Variants in RBFOX1 observed in about 807,000 individuals in gnomAD.
RBFOX1 encodes the protein RNA binding fox-1 homolog 1.
In RBFOX1, 8 loss-of-function variants were observed where a neutral mutation model predicts 57.7. That is an observed-to-expected ratio of 0.14 (90% CI 0.08 to 0.25). The LOEUF (loss-of-function observed/expected upper bound fraction) is 0.25. Among genes scored for constraint, RBFOX1 ranks in the 10% least tolerant of loss-of-function variants. The pLI, the probability that RBFOX1 is intolerant of heterozygous loss-of-function variation, is 1.00. For missense variants in RBFOX1, 611 were observed against 548.5 expected (o/e 1.11, Z -1.14); for synonymous variants, 326 against 222.4 (o/e 1.47, Z -4.15).
At chr16:5,477,171 C>T (rs1223081436) in intron 2 of RBFOX1, among the ~76,000 whole-genome samples, 1 of 152,200 alleles carries the variant, frequency 6.6e-6, no homozygotes, top group South Asian at 2.1e-4. Flanking sequence ...CATGCCACTA[C>T]ATCCAGCTAA....
intron 2 of RBFOX1, among the ~76,000 whole-genome samples, chr16:5,577,926 A>G (rs1567250664): frequency 6.6e-6 from 1 of 151,884 alleles, no homozygotes; most frequent in African/African-American, 2.4e-5. Flanking sequence ...TTTAAGAAGG[A>G]AATTACAATT....
At chr16:5,286,063 C>G (rs1472955995) in intron 1 of RBFOX1, among the ~76,000 whole-genome samples, 3 of 152,190 alleles carry the variant, frequency 2.0e-5, no homozygotes. Context: ...AACCACCACA[C>G]CTGGCCAGAC....
chr16:7,509,426 G>GTGTGTGTGTC (rs1555531504), intron 4 of RBFOX1, among the ~76,000 whole-genome samples: 236 of 146,480 alleles, frequency 1.6e-3, no homozygotes, highest in African/African-American at 5.6e-3. Context: ...GTGTGTGTGT[G>GTGTGTGTGTC]TGTGTCTGTG....
intron 11 of RBFOX1, among the ~76,000 whole-genome samples, chr16:7,637,600 T>C (rs2061983556): frequency 6.6e-6 from 1 of 152,178 alleles, no homozygotes; most frequent in Admixed American, 6.5e-5. Context: ...TTCTGCACAA[T>C]ACAGAAAATG....
intron 2 of RBFOX1, among the ~76,000 whole-genome samples, chr16:6,358,833 C>G (rs1456133833): frequency 1.3e-5 from 2 of 152,120 alleles, no homozygotes; most frequent in Non-Finnish European, 2.9e-5. Flanking sequence ...TCTTTTATCT[C>G]TCTGTTTTTA....
chr16:6,656,599 G>GACACACGC (rs1555659136), intron 3 of RBFOX1, among the ~76,000 whole-genome samples: 1 of 146,312 alleles, frequency 6.8e-6, no homozygotes, highest in Non-Finnish European at 1.5e-5. Context: ...GGGGAAAATA[G>GACACACGC]ACACACACAC....
intron 3 of RBFOX1, among the ~76,000 whole-genome samples, chr16:6,795,770 T>TAAAAAATGAAAAAAATGAA (rs2083874844): frequency 7.8e-6 from 1 of 127,614 alleles, no homozygotes; most frequent in Non-Finnish European, 1.6e-5. Flanking sequence ...CATCTAAAAA[T>TAAAAAATGAAAAAAATGAA]AAAAAATGAA....
At chr16:6,933,832 CTCTT>C (rs2076946378) in intron 3 of RBFOX1, among the ~76,000 whole-genome samples, 1 of 152,188 alleles carries the variant, frequency 6.6e-6, no homozygotes, top group African/African-American at 2.4e-5. Context: ...GTGTTTACCT[CTCTT>C]TATCTTAAGA....
chr16:7,267,557 A>G (rs918706859), intron 4 of RBFOX1, among the ~76,000 whole-genome samples: 1 of 150,858 alleles, frequency 6.6e-6, no homozygotes, highest in Non-Finnish European at 1.5e-5. Flanking sequence ...TAAAAAAATA[A>G]TAAAATAAAA....
chr16:7,554,580 C>T (rs1013324636), intron 5 of RBFOX1, among the ~76,000 whole-genome samples: 1 of 152,092 alleles, frequency 6.6e-6, no homozygotes, highest in Non-Finnish European at 1.5e-5. Flanking sequence ...AAGTCAGCTG[C>T]TTACCTTTAG....
intron 2 of RBFOX1, among the ~76,000 whole-genome samples, chr16:5,501,981 C>T (rs1272857496): frequency 6.6e-6 from 1 of 151,938 alleles, no homozygotes; most frequent in Non-Finnish European, 1.5e-5. Context: ...CCTTGGCCTC[C>T]CAAAGTGCTG....
At chr16:6,478,423 ATATATATTTTTT>A (rs1186218656) in intron 2 of RBFOX1, among the ~76,000 whole-genome samples, 5 of 11,998 alleles carry the variant, frequency 4.2e-4, no homozygotes, top group African/African-American at 1.0e-3. Flanking sequence ...ATATATATAT[ATATATATTTTTT>A]TTTTTTTTTT....
intron 1 of RBFOX1, among the ~76,000 whole-genome samples, chr16:5,338,102 C>T (rs925531489): frequency 6.6e-6 from 1 of 152,108 alleles, no homozygotes; most frequent in East Asian, 1.9e-4. Flanking sequence ...TGATCCCAGG[C>T]AGAGAGGCTT....
At chr16:5,948,813 C>A (rs1301457742) in intron 4 of RBFOX1, among the ~76,000 whole-genome samples, 4 of 152,180 alleles carry the variant, frequency 2.6e-5, no homozygotes, top group Non-Finnish European at 4.4e-5. Context: ...GATTGTGTTA[C>A]TTTCTTACGG....
chr16:6,339,649 TTTTTA>T (rs150077063), intron 2 of RBFOX1, among the ~76,000 whole-genome samples: 88,851 of 145,036 alleles, frequency 0.61, 29,418 homozygotes, highest in African/African-American at 0.87. Context: ...ATTCCTTTAT[TTTTTA>T]TTTTATTTTA....
intron 1 of RBFOX1, among the ~76,000 whole-genome samples, chr16:5,257,625 T>C (rs1232958079): frequency 6.6e-6 from 1 of 152,200 alleles, no homozygotes; most frequent in Non-Finnish European, 1.5e-5. Flanking sequence ...GAGGCGCATT[T>C]ACTAGTGAGG....
intron 3 of RBFOX1, among the ~76,000 whole-genome samples, chr16:6,735,278 C>G (rs12930419): frequency 0.14 from 20,727 of 152,150 alleles, 1,633 homozygotes; most frequent in South Asian, 0.22. Flanking sequence ...GCCTCCTACC[C>G]AACTCAGCCA....
At chr16:6,759,149 C>CTTTTTTT (rs55903030) in intron 3 of RBFOX1, among the ~76,000 whole-genome samples, 2 of 147,216 alleles carry the variant, frequency 1.4e-5, no homozygotes. Context: ...CTTATCAATT[C>CTTTTTTT]TTTTTTTTTT....
chr16:5,869,354 A>G (rs1247665048), intron 4 of RBFOX1, among the ~76,000 whole-genome samples: 1 of 152,118 alleles, frequency 6.6e-6, no homozygotes, highest in East Asian at 1.9e-4. Context: ...GTTTAAAACA[A>G]TCATCCAACA....
Sources: gnomAD v4.1 joint callset for allele counts (sites outside exome capture counted in the v4.1 genomes callset) on GRCh38, gnomAD v4.1.1 for gene constraint, MANE v1.5 for transcripts, NCBI Gene and HGNC (gene_info 2026-07-23, HGNC 2026-07-21) for gene names.